ACOXL: variants seen among roughly 807,000 people sequenced by gnomAD.
ACOXL encodes the protein acyl-coenzyme A oxidase-like protein.
Under a neutral mutation model 71.9 loss-of-function variants are expected in ACOXL, and 70 were observed. The ratio of observed to expected loss-of-function variants is 0.97; its 90% CI spans 0.80 to 1.19. The LOEUF is 1.19. Among genes scored for constraint, ACOXL ranks in the 50% most tolerant of loss-of-function variants. ACOXL has a pLI of 0.00. For missense variants in ACOXL, 703 were observed against 736.3 expected (o/e 0.95, Z 0.52); for synonymous variants, 253 against 281.6 (o/e 0.90, Z 1.02).
At chr2:110,934,838 G>A (rs190581428) in intron 12 of ACOXL, among the ~76,000 whole-genome samples, 9 of 152,316 alleles carry the variant, frequency 5.9e-5, no homozygotes, top group South Asian at 2.1e-4. Flanking sequence ...TTCCTATGGG[G>A]TTGTTGTGTG....
intron 2 of ACOXL, among the ~76,000 whole-genome samples, chr2:110,770,296 G>A (rs1232946217): frequency 1.3e-5 from 2 of 152,166 alleles, no homozygotes; most frequent in African/African-American, 2.4e-5. Flanking sequence ...AGCTAGTGGG[G>A]GCCTGGGATC....
At chr2:111,071,899 G>T (rs1011482408) in intron 16 of ACOXL, among the ~76,000 whole-genome samples, 1 of 152,186 alleles carries the variant, frequency 6.6e-6, no homozygotes, top group Non-Finnish European at 1.5e-5. Flanking sequence ...CAAGATACAT[G>T]AGCCACAGTT....
intron 14 of ACOXL, among the ~76,000 whole-genome samples, chr2:111,009,311 C>T (rs773458525): frequency 7.2e-5 from 11 of 151,900 alleles, no homozygotes. Flanking sequence ...GTCAAGAGTT[C>T]GAGACCAGCC....
intron 2 of ACOXL, among the ~76,000 whole-genome samples, chr2:110,774,487 A>G (rs1402138902): frequency 6.6e-6 from 1 of 152,232 alleles, no homozygotes; most frequent in Admixed American, 6.5e-5. Context: ...GCTACAGGAT[A>G]AAAATCAACA....
chr2:111,013,293 G>C (rs1352833212), intron 14 of ACOXL, among the ~76,000 whole-genome samples: 1 of 152,112 alleles, frequency 6.6e-6, no homozygotes, highest in Non-Finnish European at 1.5e-5. Context: ...GGGAGGCCAA[G>C]GCATGTGGAT....
chr2:110,986,112 G>A (rs2062921115), intron 12 of ACOXL, among the ~76,000 whole-genome samples: 1 of 152,172 alleles, frequency 6.6e-6, no homozygotes, highest in Non-Finnish European at 1.5e-5. Context: ...GAAATGTTTA[G>A]TTAGCTATGA....
At chr2:110,743,126 C>T (rs1384452483) in intron 1 of ACOXL, among the ~76,000 whole-genome samples, 1 of 152,198 alleles carries the variant, frequency 6.6e-6, no homozygotes. Flanking sequence ...GTTGTGTATT[C>T]TGGACATTTC....
chr2:111,037,983 G>C (rs1338366646), intron 15 of ACOXL, among the ~76,000 whole-genome samples: 1 of 152,124 alleles, frequency 6.6e-6, no homozygotes, highest in Non-Finnish European at 1.5e-5. Flanking sequence ...AATGCTTCTT[G>C]TTTTTTTCTA....
At chr2:110,734,997 GT>G (rs1382098049) in intron 1 of ACOXL, among the ~76,000 whole-genome samples, 1 of 152,160 alleles carries the variant, frequency 6.6e-6, no homozygotes, top group Non-Finnish European at 1.5e-5. Flanking sequence ...ACTGGTTGTG[GT>G]GGGATACCAA....
intron 12 of ACOXL, among the ~76,000 whole-genome samples, chr2:110,974,936 C>G (rs115402575): frequency 6.6e-6 from 1 of 152,138 alleles, no homozygotes; most frequent in African/African-American, 2.4e-5. Context: ...TAGACTCAGC[C>G]GAGATGTGGT....
chr2:110,936,781 T>C (rs1170052032), intron 12 of ACOXL, among the ~76,000 whole-genome samples: 2 of 151,966 alleles, frequency 1.3e-5, no homozygotes, highest in African/African-American at 4.8e-5. Context: ...GGAGTTGGTG[T>C]GTACCGCCCT....
intron 12 of ACOXL, among the ~76,000 whole-genome samples, chr2:110,936,724 C>T (rs999782666): frequency 3.9e-5 from 6 of 152,194 alleles, no homozygotes; most frequent in African/African-American, 1.2e-4. Context: ...AGAGATACAT[C>T]GGCTGAGGTC....
At chr2:110,855,810 C>T (rs1159381895) in intron 10 of ACOXL, among the ~76,000 whole-genome samples, 1 of 152,198 alleles carries the variant, frequency 6.6e-6, no homozygotes, top group Non-Finnish European at 1.5e-5. Context: ...AGTGTTACAG[C>T]TCTTAAAGAT....
chr2:111,041,518 G>A (rs1272464055), intron 15 of ACOXL, among the ~76,000 whole-genome samples: 3 of 152,102 alleles, frequency 2.0e-5, no homozygotes, highest in Non-Finnish European at 4.4e-5. Flanking sequence ...GGACAGAGCC[G>A]GGCCATGGGG....
At chr2:110,860,700 A>G (rs1341674695) in intron 10 of ACOXL, among the ~76,000 whole-genome samples, 1 of 152,176 alleles carries the variant, frequency 6.6e-6, no homozygotes, top group African/African-American at 2.4e-5. Flanking sequence ...CCAGAACTCT[A>G]TCCAGATCTT....
intron 12 of ACOXL, among the ~76,000 whole-genome samples, chr2:110,979,241 C>T (rs1247478385): frequency 5.3e-5 from 8 of 152,170 alleles, no homozygotes; most frequent in Non-Finnish European, 1.2e-4. Context: ...ACCATAAGAA[C>T]GCCAACCATG....
At chr2:110,752,098 C>G (rs1050849315) in intron 1 of ACOXL, among the ~76,000 whole-genome samples, 2 of 151,242 alleles carry the variant, frequency 1.3e-5, no homozygotes, top group African/African-American at 4.9e-5. Flanking sequence ...GATCTTGGCT[C>G]ACTTCAGCCT....
chr2:110,878,345 G>A (rs553283421), intron 10 of ACOXL, among the ~76,000 whole-genome samples: 2 of 152,342 alleles, frequency 1.3e-5, no homozygotes, highest in East Asian at 1.9e-4. Context: ...TAAGTGAGAA[G>A]CTCTATCAGA....
At chr2:110,927,236 C>T (rs1229346012) in intron 11 of ACOXL, among the ~76,000 whole-genome samples, 4 of 152,098 alleles carry the variant, frequency 2.6e-5, no homozygotes, top group African/African-American at 9.7e-5. Flanking sequence ...GGAAGTCCAC[C>T]CCCATGATTC....
Sources: allele counts gnomAD v4.1 joint callset (sites outside exome capture counted in the v4.1 genomes callset), GRCh38; gene constraint gnomAD v4.1.1; transcripts MANE v1.5; gene names NCBI Gene and HGNC (gene_info 2026-07-23, HGNC 2026-07-21).